The following FAT1 variants were observed in gnomAD, a reference collection of about 807,000 sequenced individuals.
FAT1 encodes FAT atypical cadherin 1.
In FAT1, 171 loss-of-function variants were observed where a neutral mutation model predicts 329.8. The ratio of observed to expected loss-of-function variants is 0.52; its 90% confidence interval spans 0.46 to 0.59. The LOEUF is 0.59. Among genes scored for constraint, FAT1 ranks in the 20% least tolerant of loss-of-function variants. The pLI is 0.00. For synonymous variants in FAT1, 2,233 were observed against 2,228.6 expected (o/e 1.00, Z -0.06); for missense variants, 5,672 against 5,774.4 (o/e 0.98, Z 0.57).
chr4:186,603,907 A>G lies in FAT1; in HGVS notation c.10619T>C (p.Ile3540Thr), dbSNP rs2126435145. The change falls in exon 19 of 27, where the codon ATC becomes ACC. Residue 3540 changes from isoleucine (I) to threonine (T), a missense_variant. Ile to Thr is a moderately conservative substitution (Grantham distance 89). Around this residue, in one of 2 missense-constraint regions of FAT1, gnomAD observed 1,706 missense variants for 1,859.1 expected, o/e 0.92. Coordinates refer to ENST00000441802, the MANE Select transcript of FAT1 (RefSeq NM_005245.4). ...YIDIRVIEES[I>T]YPPAILPLEI... is the part of the protein sequence containing the mutation. ...CAGGGGCAAAATCGCAGGCGGATAG[A>G]TGCTCTCCTCAATTACCCTAATGTC... 6.2e-7 allele frequency: 1 copy of G among 1,613,914 alleles called. No individual in the cohort carries two copies. The highest frequency in any genetic ancestry group is 1.3e-5 in the African/African-American group (1 of 75,036).
Position 186,655,542 on chromosome 4 carries a change from C to T in FAT1, c.3580+7757G>A, listed in dbSNP as rs187214542. Among the ~76,000 whole-genome samples the T allele has an allele frequency of 2.4e-3, 359 of 151,802 alleles. 2 individuals are homozygous for T. The highest frequency in any genetic ancestry group is 6.9e-3 in the Middle Eastern group (2 of 290). On this transcript the variant is annotated intron_variant, in intron 3 of 26. Coordinates refer to ENST00000441802, the MANE Select transcript of FAT1 (RefSeq NM_005245.4). ...CTCTGCCTCCTGGGTTCAAGCTATT[C>T]TCATGCCTCAGCCTCCCAAGTAGCT...
At position 186,618,464 on chromosome 4, in the gene FAT1, A is replaced by G. The variant is rs1739837393; in HGVS notation, c.8122T>C (p.Tyr2708His). ...ACGTCCTCTGACACTGTAAAGGTAT[A>G]GAAAGGTTCTGAAAATTTTGGAAGC... ...MQLPKFSEPF[Y>H]TFTVSEDVPI... Residue 2708 changes from tyrosine to histidine, a missense_variant, in exon 10 of 27, where the codon TAT becomes CAT. By Grantham distance (83) the Tyr-to-His change is moderately conservative (BLOSUM62 2). Around this residue, in one of 2 missense-constraint regions of FAT1, gnomAD observed 3,966 missense variants for 3,915.2 expected, o/e 1.01. Coordinates refer to ENST00000441802, the MANE Select transcript of FAT1 (RefSeq NM_005245.4). 6 of 1,614,078 alleles carry G rather than the reference A, an allele frequency of 3.7e-6. No individual in the cohort carries two copies. The highest frequency in any genetic ancestry group is 5.1e-6 in the Non-Finnish European group (6 of 1,179,912).
rs183878982 is a variant in FAT1, at chr4:186,709,869, G to A, written c.-18-24C>T. 4.6e-4 allele frequency: 704 copies of A among 1,538,398 alleles called. 1 individual carries two copies. Among genetic ancestry groups the A allele is most frequent in the Admixed American group, 5.5e-4 (28 of 51,132 alleles). On this transcript the variant is annotated intron_variant, in intron 1 of 26. Coordinates refer to ENST00000441802, the MANE Select transcript of FAT1 (RefSeq NM_005245.4). ...ATCTGAAACAGAAGAAATCAGAATCGTTACCTTGGGGAAATAAAACAAGCA... is the reference window on the plus strand; with the variant it reads ...ATCTGAAACAGAAGAAATCAGAATCATTACCTTGGGGAAATAAAACAAGCA...
At position 186,610,215 on chromosome 4, in the gene FAT1, A is replaced by C. The variant is rs79323470; in HGVS notation, c.9854-200T>G. ...CATCCCTGGATCTTTATTTCTCTTA[A>C]TTTTCATGATATTCTTCATGATATT... On this transcript the variant is annotated intron_variant, in intron 14 of 26. Coordinates refer to ENST00000441802, the MANE Select transcript of FAT1 (RefSeq NM_005245.4). 1,014 of 555,578 alleles carry C rather than the reference A, an allele frequency of 1.8e-3. 10 individuals carry two copies. Among genetic ancestry groups the C allele is most frequent in the African/African-American group, 0.018 (937 of 53,038 alleles). The allele number at this position is 555,578 out of a possible 1,614,324, so 34.4% of individuals were successfully genotyped here. A position where few individuals can be genotyped will look rare whatever the true frequency, so the allele number is the denominator to read the frequency against.
chr4:186,597,603 AC>A, intron 24 of FAT1, 78 bp downstream of exon 24: 1 of 938,800 alleles, frequency 1.1e-6, no homozygotes, highest in Non-Finnish European at 1.7e-6. Context: ...AGTTCAAATC[AC>A]TGAAGGTCTG....
chr4:186,720,081 C>G (rs1407782854), intron 1 of FAT1, among the ~76,000 whole-genome samples: 2 of 152,206 alleles, frequency 1.3e-5, no homozygotes, highest in Non-Finnish European at 2.9e-5. Context: ...AAAAGGCATA[C>G]TTCCCAGACT....
At position 186,588,635 on chromosome 4, in the gene FAT1, A is replaced by AC; in HGVS notation, c.13723dup (p.Val4575GlyfsTer24). 1 of 1,613,608 alleles carries AC rather than the reference A, an allele frequency of 6.2e-7. No individual in the cohort carries two copies. The highest frequency in any genetic ancestry group is 1.1e-5 in the South Asian group (1 of 91,044). On this transcript the variant is annotated frameshift_variant, in exon 27 of 27. Coordinates refer to ENST00000441802, the MANE Select transcript of FAT1 (RefSeq NM_005245.4). LOFTEE classifies it high-confidence loss of function. The stretch of plus-strand genomic sequence containing the variant: ...CTGGGAATCCAGGGGCGGGATCGTC[A>AC]CCTCTTCGAAGTGGCCGTCGTCCCC...
intron 1 of FAT1, among the ~76,000 whole-genome samples, chr4:186,720,921 C>T (rs1188576498): frequency 6.6e-6 from 1 of 152,178 alleles, no homozygotes; most frequent in East Asian, 1.9e-4. Context: ...CCAGGCACAA[C>T]CACGAGGCTG....
intron 16 of FAT1, among the ~76,000 whole-genome samples, chr4:186,607,583 T>C (rs1483066084): frequency 6.6e-6 from 1 of 151,108 alleles, no homozygotes; most frequent in East Asian, 1.9e-4. Flanking sequence ...GATGGACACA[T>C]GACTGGATAG....
intron 1 of FAT1, among the ~76,000 whole-genome samples, chr4:186,720,689 C>G (rs1410427954): frequency 1.3e-5 from 2 of 152,124 alleles, no homozygotes; most frequent in Admixed American, 6.5e-5. Context: ...TATCAGACTA[C>G]GAGCTGCTTG....
intron 1 of FAT1, among the ~76,000 whole-genome samples, chr4:186,721,402 G>T (rs1745464082): frequency 6.6e-6 from 1 of 152,186 alleles, no homozygotes; most frequent in South Asian, 2.1e-4. Flanking sequence ...CAGTGTCTAA[G>T]GATAAATAAG....
At chr4:186,719,527 T>C (rs1745371284) in intron 1 of FAT1, among the ~76,000 whole-genome samples, 1 of 152,208 alleles carries the variant, frequency 6.6e-6, no homozygotes, top group Non-Finnish European at 1.5e-5. Flanking sequence ...CCAGTTATTT[T>C]CCAATCTCAC....
chr4:186,588,619 CA>C lies in FAT1; in HGVS notation c.13739del (p.Leu4580ArgfsTer27). 1 of 1,612,806 alleles carries C rather than the reference CA, an allele frequency of 6.2e-7. No individual in the cohort carries two copies. Among genetic ancestry groups the C allele is most frequent in the Non-Finnish European group, 8.5e-7 (1 of 1,179,328 alleles). On this transcript the variant is annotated frameshift_variant, in exon 27 of 27. Transcript: ENST00000441802. LOFTEE classifies it high-confidence loss of function. ...AGACTTCCGTGTGCTGCTGGGAATC[CA>C]GGGGCGGGATCGTCACCTCTTCGAA... The part of the protein sequence containing the change: ...GHFEEVTIPP[L>X]DSQQHTEV
In FAT1 at chr4:186,709,020, C is replaced by T. The variant is rs2126700897; in HGVS notation, c.808G>A (p.Asp270Asn). ...VTLSPSELDR[D>N]PAYAIVTVDD... ...ACTGTCACAATTGCATATGCTGGGT[C>T]CCTGTCCAGTTCTGATGGTGACAAT... The change falls in exon 2 of 27, where the codon GAC becomes AAC. Residue 270 changes from aspartate to asparagine, a missense_variant. By Grantham distance (23) the Asp-to-Asn change is conservative (BLOSUM62 1). Around this residue, in one of 2 missense-constraint regions of FAT1, gnomAD observed 3,966 missense variants for 3,915.2 expected, o/e 1.01. Transcript: ENST00000441802. 4 of 1,614,040 alleles carry T rather than the reference C, an allele frequency of 2.5e-6. No homozygotes were observed. Among genetic ancestry groups the T allele is most frequent in the Non-Finnish European group, 3.4e-6 (4 of 1,179,894 alleles).
At chr4:186,590,150 G>GT (rs11410853) in intron 26 of FAT1, among the ~76,000 whole-genome samples, 62,943 of 148,340 alleles carry the variant, frequency 0.42, 13,479 homozygotes, top group Middle Eastern at 0.56. Flanking sequence ...TTTTGGAATA[G>GT]TTTTTTTTTT....
At chr4:186,658,768 G>A (rs1022149725) in intron 3 of FAT1, among the ~76,000 whole-genome samples, 43 of 151,940 alleles carry the variant, frequency 2.8e-4, no homozygotes, top group Non-Finnish European at 1.0e-4. Flanking sequence ...CCCAGTACCC[G>A]TTCCAAGGGG....
rs1159459454 is a variant in FAT1 at position 186,590,994 on chromosome 4, C to T, written c.13139-1774G>A. Among the ~76,000 whole-genome samples the T allele has an allele frequency of 3.3e-5, 5 of 152,336 alleles. No individual in the cohort carries two copies. The East Asian group carries it at 9.6e-4, about 29-fold the overall frequency. ...TAAAGAGACCACGGCTACACTTACC[C>T]CATGTCTGTAATTACACTTGCCCTG... On this transcript the variant is annotated intron_variant, in intron 26 of 26. Coordinates refer to ENST00000441802, the MANE Select transcript of FAT1 (RefSeq NM_005245.4).
intron 26 of FAT1, chr4:186,590,239 C>A: frequency 4.6e-6 from 2 of 435,790 alleles, no homozygotes; most frequent in South Asian, 1.8e-5. Flanking sequence ...AATGCGCACA[C>A]ACATGCAGCC....
At chr4:186,699,385 G>A (rs554361527) in intron 2 of FAT1, among the ~76,000 whole-genome samples, 1 of 152,308 alleles carries the variant, frequency 6.6e-6, no homozygotes, top group East Asian at 1.9e-4. Context: ...GAGCCACTCG[G>A]AGGCCTAGCA....
Sources: gnomAD v4.1 joint callset for allele counts (sites outside exome capture counted in the v4.1 genomes callset) on GRCh38, gnomAD v4.1.1 for gene constraint, gnomAD v4.1.1 regional missense constraint, MANE v1.5 for transcripts, NCBI Gene and HGNC (gene_info 2026-07-23, HGNC 2026-07-21) for gene names.